Variants in KPNA1 observed in about 807,000 individuals in gnomAD.
KPNA1 encodes the protein importin subunit alpha-5.
Under a neutral mutation model 70.5 loss-of-function variants are expected in KPNA1, and 10 were observed. The observed-to-expected ratio is 0.14, with a 90% CI of 0.09 to 0.24. The LOEUF is 0.24. Ranked by LOEUF, KPNA1 falls within the 10% of genes least tolerant of loss-of-function variation. The pLI, the probability that KPNA1 is intolerant of heterozygous loss-of-function variation, is 1.00. For missense variants in KPNA1, 397 were observed against 637.9 expected (o/e 0.62, Z 4.07); for synonymous variants, 192 against 221.9 (o/e 0.87, Z 1.20).
intron 9 of KPNA1, 72 bp from the exon 10 acceptor site, chr3:122,442,188 T>A: frequency 2.5e-6 from 3 of 1,194,002 alleles, no homozygotes; most frequent in Non-Finnish European, 3.7e-6. Context: ...AGACCAAAAT[T>A]AAAAAACAAA....
At chr3:122,481,597 G>A (rs1560045487) in intron 2 of KPNA1, among the ~76,000 whole-genome samples, 3 of 152,196 alleles carry the variant, frequency 2.0e-5, no homozygotes, top group African/African-American at 4.8e-5. Flanking sequence ...TCTAAAATTG[G>A]TTGTGGTGAA....
chr3:122,489,281 GTTTGTTT>G (rs1368604938), intron 2 of KPNA1, among the ~76,000 whole-genome samples: 2 of 89,444 alleles, frequency 2.2e-5, no homozygotes, highest in Non-Finnish European at 5.7e-5. Flanking sequence ...TTTTTACTTT[GTTTGTTT>G]TTTTTTGTTT....
At chr3:122,501,316 A>ACGC (rs2076827277) in intron 1 of KPNA1, among the ~76,000 whole-genome samples, 1 of 152,056 alleles carries the variant, frequency 6.6e-6, no homozygotes, top group African/African-American at 2.4e-5. Flanking sequence ...GTAAGCCACC[A>ACGC]CGCCCAGCAT....
rs184603987 is a variant in KPNA1, at chr3:122,483,591, C to G, written c.129+12846G>C. On this transcript the variant is annotated intron_variant, in intron 2 of 13. Transcript: ENST00000344337. Reference sequence around the variant, plus strand: ...AACTCCTGACCTCAGCTGATCCACCCGCCTCAGCCTCCCAAAGTGCTGGGA... The same window carrying G: ...AACTCCTGACCTCAGCTGATCCACCGGCCTCAGCCTCCCAAAGTGCTGGGA... 2.4e-3 allele frequency among the ~76,000 whole-genome samples: 373 copies of G among 152,268 alleles called. 1 individual carries two copies. Among genetic ancestry groups the G allele is most frequent in the East Asian group, 0.01 (53 of 5,188 alleles).
At chr3:122,493,892 A>G (rs1035582489) in intron 2 of KPNA1, among the ~76,000 whole-genome samples, 1 of 152,068 alleles carries the variant, frequency 6.6e-6, no homozygotes, top group African/African-American at 2.4e-5. Flanking sequence ...GCCTCATTAT[A>G]GTTTTAACTT....
chr3:122,435,355 G>A (rs1021032112), intron 11 of KPNA1, among the ~76,000 whole-genome samples: 14 of 151,872 alleles, frequency 9.2e-5, no homozygotes, highest in African/African-American at 3.1e-4. Flanking sequence ...ACTGCTTGTC[G>A]TCCACTTGAG....
chr3:122,509,559 A>G (rs1322999238), intron 1 of KPNA1, among the ~76,000 whole-genome samples: 2 of 152,220 alleles, frequency 1.3e-5, no homozygotes, highest in Non-Finnish European at 2.9e-5. Context: ...ACAACAAAAC[A>G]GAAAGATCCC....
At position 122,438,718 on chromosome 3, in the gene KPNA1, T is replaced by C. The variant is rs181993904; in HGVS notation, c.997-1423A>G. On this transcript the variant is annotated intron_variant, in intron 10 of 13. Coordinates refer to ENST00000344337, the MANE Select transcript of KPNA1 (RefSeq NM_002264.4). ...TCTTTATAGCAATGAAATAACAGAC[T>C]AATATAAACCCTAAGTCACCAAAAT... 2.0e-5 allele frequency among the ~76,000 whole-genome samples: 3 copies of C among 152,290 alleles called. No individual in the cohort carries two copies. The East Asian group carries it at 5.8e-4, about 29-fold the overall frequency.
At chr3:122,450,608 T>A (rs1171802202) in intron 8 of KPNA1, among the ~76,000 whole-genome samples, 1 of 151,952 alleles carries the variant, frequency 6.6e-6, no homozygotes, top group Non-Finnish European at 1.5e-5. Flanking sequence ...AAAAAATAGA[T>A]GTTGGCATGA....
At chr3:122,436,395 C>A (rs2075988464) in intron 11 of KPNA1, among the ~76,000 whole-genome samples, 1 of 152,344 alleles carries the variant, frequency 6.6e-6, no homozygotes, top group East Asian at 1.9e-4. Flanking sequence ...CCTATTCGTA[C>A]ACTCCCTCCC....
intron 1 of KPNA1, among the ~76,000 whole-genome samples, chr3:122,509,651 AT>A (rs754979173): frequency 5.0e-4 from 76 of 152,290 alleles, no homozygotes; most frequent in Admixed American, 2.1e-3. Context: ...TCCACTACAT[AT>A]TTTACAATGT....
At chr3:122,492,409 C>A (rs1303996427) in intron 2 of KPNA1, among the ~76,000 whole-genome samples, 1 of 152,000 alleles carries the variant, frequency 6.6e-6, no homozygotes, top group East Asian at 1.9e-4. Context: ...CACTGTCCTA[C>A]AGAAATATAA....
chr3:122,485,903 G>T (rs973777779), intron 2 of KPNA1, among the ~76,000 whole-genome samples: 2 of 152,064 alleles, frequency 1.3e-5, no homozygotes, highest in Non-Finnish European at 2.9e-5. Flanking sequence ...TATTTATTAG[G>T]TGAATGAAAA....
chr3:122,501,670 C>A (rs531044760), intron 1 of KPNA1, among the ~76,000 whole-genome samples: 2 of 152,158 alleles, frequency 1.3e-5, no homozygotes, highest in Non-Finnish European at 2.9e-5. Flanking sequence ...CCAGGATATA[C>A]ATATTTCTAT....
At chr3:122,444,449 T>TG (rs2076108319) in intron 9 of KPNA1, among the ~76,000 whole-genome samples, 1 of 152,242 alleles carries the variant, frequency 6.6e-6, no homozygotes, top group African/African-American at 2.4e-5. Context: ...CATGAAATCT[T>TG]CACGATTTAT....
At chr3:122,428,116 A>C (rs2075847736) in intron 12 of KPNA1, among the ~76,000 whole-genome samples, 5 of 152,244 alleles carry the variant, frequency 3.3e-5, no homozygotes, top group Admixed American at 2.0e-4. Flanking sequence ...TGATAAGCCA[A>C]ATCTTTCAAA....
chr3:122,464,097 AAGAAAGATAAC>A (rs898412711), intron 3 of KPNA1, 56 bp from the exon 4 acceptor site: 3 of 936,094 alleles, frequency 3.2e-6, no homozygotes, highest in Non-Finnish European at 4.7e-6. Flanking sequence ...ATTCAAAGGA[AAGAAAGATAAC>A]AGATATCATG....
chr3:122,479,535 G>A (rs1025406819), intron 2 of KPNA1, among the ~76,000 whole-genome samples: 13 of 152,242 alleles, frequency 8.5e-5, no homozygotes, highest in Admixed American at 6.5e-4. Flanking sequence ...CGAGGCAGGT[G>A]GATCACCTGA....
chr3:122,449,635 T>C lies in KPNA1; in HGVS notation c.856A>G (p.Asn286Asp), dbSNP rs1448754153. 1.9e-6 allele frequency: 3 copies of C among 1,613,970 alleles called. No individual in the cohort carries two copies. The highest frequency in any genetic ancestry group is 2.5e-6 in the Non-Finnish European group (3 of 1,179,914). ...TCGATGACCGCTTGAATTTTATCAT[T>C]GGGTCCATCTGATAGATATGAGAGG... The part of the protein sequence containing the change: ...WALSYLSDGP[N>D]DKIQAVIDAG... The change falls in exon 9 of 14, where the codon AAT becomes GAT. Residue 286 changes from asparagine to aspartate, a missense_variant. Coordinates refer to ENST00000344337, the MANE Select transcript of KPNA1 (RefSeq NM_002264.4).
Sources: gnomAD v4.1 joint callset for allele counts (sites outside exome capture counted in the v4.1 genomes callset) on GRCh38, gnomAD v4.1.1 for gene constraint, MANE v1.5 for transcripts, NCBI Gene and HGNC (gene_info 2026-07-23, HGNC 2026-07-21) for gene names.